VAMP4: variants seen among roughly 807,000 people sequenced by gnomAD.
The protein encoded by VAMP4 is vesicle-associated membrane protein 4.
A neutral mutation model predicts 23.5 loss-of-function variants in VAMP4; 19 were observed. The ratio of observed to expected loss-of-function variants is 0.81; its 90% CI spans 0.56 to 1.19. VAMP4 has a LOEUF of 1.19. Among genes scored for constraint, VAMP4 ranks in the 50% most tolerant of loss-of-function variants. The pLI, the probability that VAMP4 is intolerant of heterozygous loss-of-function variation, is 0.00. For missense variants in VAMP4, 145 were observed against 168.6 expected (o/e 0.86, Z 0.78); for synonymous variants, 31 against 51.0 (o/e 0.61, Z 1.67).
chr1:171,724,195 CCAT>C (rs1655290021), intron 3 of VAMP4, among the ~76,000 whole-genome samples: 1 of 151,968 alleles, frequency 6.6e-6, no homozygotes, highest in African/African-American at 2.4e-5. Context: ...AAGCTGGAAA[CCAT>C]CATTCTGAGC....
At chr1:171,719,886 T>C (rs113825924) in intron 3 of VAMP4, among the ~76,000 whole-genome samples, 62 of 152,142 alleles carry the variant, frequency 4.1e-4, no homozygotes, top group African/African-American at 1.3e-3. Flanking sequence ...TTTGGTTATT[T>C]AAAGTAATCA....
rs990018314 is a variant in VAMP4 at position 171,734,010 on chromosome 1, G to T, written c.66+4339C>A. Among the ~76,000 whole-genome samples the T allele has an allele frequency of 5.3e-5, 8 of 152,278 alleles. No individual in the cohort carries two copies. The South Asian group carries it at 1.0e-3, about 20-fold the overall frequency. On this transcript the variant is annotated intron_variant, in intron 2 of 7. Coordinates refer to ENST00000236192, the MANE Select transcript of VAMP4 (RefSeq NM_003762.5). ...ATTATTAGCAATAAAAAGGAATGAA[G>T]ATCTCCCAGCACTTTGGGAGGCCGA...
At chr1:171,716,283 A>G (rs529115161) in intron 4 of VAMP4, among the ~76,000 whole-genome samples, 1 of 152,280 alleles carries the variant, frequency 6.6e-6, no homozygotes, top group African/African-American at 2.4e-5. Flanking sequence ...TTATAATGCT[A>G]TTGTTTAATT....
chr1:171,720,982 A>G (rs1270886493), intron 3 of VAMP4, among the ~76,000 whole-genome samples: 7 of 152,150 alleles, frequency 4.6e-5, no homozygotes, highest in Non-Finnish European at 8.8e-5. Context: ...AGTAGGGTTC[A>G]TATCACAAAT....
At chr1:171,718,968 G>A (rs1655103424) in intron 4 of VAMP4, among the ~76,000 whole-genome samples, 1 of 152,144 alleles carries the variant, frequency 6.6e-6, no homozygotes, top group South Asian at 2.1e-4. Context: ...ATGTGACACA[G>A]CTTTGTCACA....
chr1:171,703,206 A>C lies in VAMP4; in HGVS notation c.*1300T>G, dbSNP rs1223607364. On this transcript the variant is annotated 3_prime_UTR_variant, in exon 8 of 8. Coordinates refer to ENST00000236192, the MANE Select transcript of VAMP4 (RefSeq NM_003762.5). ...TGCACAAGTTTCTGCAGAATCACTA[A>C]TTTTATTATAAAGCTTCCTCTCCCC... The C allele has an allele frequency of 6.6e-6, 1 of 151,378 alleles. No homozygotes were observed. The highest frequency in any genetic ancestry group is 2.4e-5 in the African/African-American group (1 of 41,256). The allele number at this position is 151,378 out of a possible 1,614,324, so 9.4% of individuals were successfully genotyped here. A position where few individuals can be genotyped will look rare whatever the true frequency, so the allele number is the denominator to read the frequency against.
intron 3 of VAMP4, 71 bp from the exon 4 acceptor site, chr1:171,719,292 A>C: frequency 3.0e-6 from 4 of 1,321,578 alleles, no homozygotes; most frequent in Non-Finnish European, 1.1e-6. Flanking sequence ...AAAGATAGAA[A>C]GTATACACAA....
chr1:171,708,898 A>T (rs1038803677), intron 6 of VAMP4, among the ~76,000 whole-genome samples: 1 of 145,318 alleles, frequency 6.9e-6, no homozygotes, highest in East Asian at 2.0e-4. Context: ...AAAAAAAAGG[A>T]GAGTTATTGC....
At position 171,704,481 on chromosome 1, in the gene VAMP4, T is replaced by C. The variant is rs7551845; in HGVS notation, c.*25A>G. On this transcript the variant is annotated 3_prime_UTR_variant, in exon 8 of 8. Coordinates refer to ENST00000236192, the MANE Select transcript of VAMP4 (RefSeq NM_003762.5). ...TCTTTTATTACTGTCCCAGATCTTG[T>C]TTAATGAAGATCTCTGTCATCAAAT... 1.9e-3 allele frequency: 2,968 copies of C among 1,565,532 alleles called. 56 individuals are homozygous for C. The African/African-American group carries it at 0.037, about 19-fold the overall frequency.
In VAMP4 at chr1:171,741,938, T is replaced by TCCCGGGGAACTCCCGGCAGCC. The variant is rs1655938943; in HGVS notation, c.-79_-78insGGCTGCCGGGAGTTCCCCGGG. The TCCCGGGGAACTCCCGGCAGCC allele has an allele frequency of 9.0e-6, 1 of 110,570 alleles. No individual in the cohort carries two copies. Among genetic ancestry groups the TCCCGGGGAACTCCCGGCAGCC allele is most frequent in the Non-Finnish European group, 2.1e-5 (1 of 47,362 alleles). The allele number at this position is 110,570 out of a possible 1,614,324, so 6.8% of individuals were successfully genotyped here. A position where few individuals can be genotyped will look rare whatever the true frequency, so the allele number is the denominator to read the frequency against. ...AGGCTCCCGGGGAACTCCCGGCAGCTCTCCCGGGCTGGCGGTGCTGGGCGG... is the reference window on the plus strand; with the variant it reads ...AGGCTCCCGGGGAACTCCCGGCAGCTCCCGGGGAACTCCCGGCAGCCCTCCCGGGCTGGCGGTGCTGGGCGG... On this transcript the variant is annotated 5_prime_UTR_variant, in exon 1 of 8. Coordinates refer to ENST00000236192, the MANE Select transcript of VAMP4 (RefSeq NM_003762.5).
Position 171,726,685 on chromosome 1 carries a change from TA to T in VAMP4, c.113+1838del, listed in dbSNP as rs202129912. ...TAAAAAGGGATTGTAGGCCTAAATA[TA>T]AAAGTCAAAACTATAAAACTCCTAG... On this transcript the variant is annotated intron_variant, in intron 3 of 7. Coordinates refer to ENST00000236192, the MANE Select transcript of VAMP4 (RefSeq NM_003762.5). Among the ~76,000 whole-genome samples the T allele has an allele frequency of 1.2e-3, 178 of 152,026 alleles. 1 individual carries two copies. Among genetic ancestry groups the T allele is most frequent in the African/African-American group, 4.2e-3 (175 of 41,440 alleles).
intron 2 of VAMP4, among the ~76,000 whole-genome samples, chr1:171,737,806 C>T (rs780193190): frequency 2.6e-5 from 4 of 152,108 alleles, no homozygotes; most frequent in Non-Finnish European, 5.9e-5. Context: ...GTATAAAACT[C>T]CCTTTCAAAA....
chr1:171,738,499 T>C, intron 1 of VAMP4, 36 bp from the exon 2 acceptor site: 1 of 1,378,168 alleles, frequency 7.3e-7, no homozygotes, highest in Non-Finnish European at 1.0e-6. Flanking sequence ...GATTTGAGAC[T>C]TTGGGGCATA....
intron 2 of VAMP4, among the ~76,000 whole-genome samples, chr1:171,737,478 A>G (rs1312074210): frequency 6.6e-6 from 1 of 152,266 alleles, no homozygotes; most frequent in African/African-American, 2.4e-5. Context: ...TTGAAGCATT[A>G]TATAAAAGAT....
chr1:171,726,802 T>A (rs1224418964), intron 3 of VAMP4, among the ~76,000 whole-genome samples: 1 of 151,866 alleles, frequency 6.6e-6, no homozygotes. Context: ...GGAAAAAAAA[T>A]TCAATAAACT....
chr1:171,725,469 A>G (rs1488733125), intron 3 of VAMP4, among the ~76,000 whole-genome samples: 2 of 152,158 alleles, frequency 1.3e-5, no homozygotes, highest in Non-Finnish European at 2.9e-5. Flanking sequence ...ATTAAAAAAA[A>G]TGAGTTCCTT....
At chr1:171,722,336 T>C (rs1655222727) in intron 3 of VAMP4, among the ~76,000 whole-genome samples, 1 of 152,158 alleles carries the variant, frequency 6.6e-6, no homozygotes, top group Admixed American at 6.5e-5. Flanking sequence ...ATTCAGGACA[T>C]AGGCATGGGC....
intron 4 of VAMP4, among the ~76,000 whole-genome samples, chr1:171,717,009 T>TATACAA (rs1162071795): frequency 2.0e-5 from 3 of 152,210 alleles, no homozygotes; most frequent in African/African-American, 7.2e-5. Flanking sequence ...AATACATAAA[T>TATACAA]ATACAAATTC....
intron 4 of VAMP4, among the ~76,000 whole-genome samples, chr1:171,713,434 C>T (rs1190481661): frequency 2.0e-5 from 3 of 152,060 alleles, no homozygotes; most frequent in African/African-American, 4.8e-5. Context: ...GTATACTATA[C>T]GTACTCTTAG....
Sources: gnomAD v4.1 joint callset for allele counts (sites outside exome capture counted in the v4.1 genomes callset) on GRCh38, gnomAD v4.1.1 for gene constraint, MANE v1.5 for transcripts, NCBI Gene and HGNC (gene_info 2026-07-23, HGNC 2026-07-21) for gene names.